Variants in UTRN observed in about 807,000 individuals in gnomAD.
UTRN encodes the protein dystrophin-related protein 1.
A neutral mutation model predicts 463.9 loss-of-function variants in UTRN; 283 were observed. The ratio of observed to expected loss-of-function variants is 0.61; its 90% confidence interval spans 0.55 to 0.67. The LOEUF (loss-of-function observed/expected upper bound fraction) is 0.67. Among genes scored for constraint, UTRN ranks in the 30% least tolerant of loss-of-function variants. UTRN has a pLI of 0.00. For synonymous variants in UTRN, 1,442 were observed against 1,431.5 expected (o/e 1.01, Z -0.17); for missense variants, 3,922 against 4,084.3 (o/e 0.96, Z 1.08).
intron 2 of UTRN, among the ~76,000 whole-genome samples, chr6:144,387,468 G>A (rs1387346604): frequency 6.6e-6 from 1 of 152,072 alleles, no homozygotes; most frequent in Non-Finnish European, 1.5e-5. Context: ...TAATGATTTT[G>A]CCTTAAAATA....
At position 144,285,391 on chromosome 6, in the gene UTRN, C is replaced by G. The variant is rs896864950; in HGVS notation, c.-523C>G. ...GCAGCCGGCCGCGGGCTTTCTCCCG[C>G]CGAGGGGCGAGGAGGAGCCTCTGGC... On this transcript the variant is annotated 5_prime_UTR_variant, in exon 1 of 75. Transcript: ENST00000367545. 6.6e-6 allele frequency among the ~76,000 whole-genome samples: 1 copy of G among 152,136 alleles called. No individual in the cohort carries two copies. Among genetic ancestry groups the G allele is most frequent in the Admixed American group, 6.5e-5 (1 of 15,290 alleles).
intron 2 of UTRN, among the ~76,000 whole-genome samples, chr6:144,331,982 C>G (rs1416617898): frequency 1.3e-5 from 2 of 152,198 alleles, no homozygotes; most frequent in African/African-American, 2.4e-5. Flanking sequence ...ATTGCCCCAT[C>G]CAGCCACACT....
intron 51 of UTRN, among the ~76,000 whole-genome samples, chr6:144,620,803 G>A (rs1775284927): frequency 6.6e-6 from 1 of 152,088 alleles, no homozygotes; most frequent in Non-Finnish European, 1.5e-5. Context: ...AAGTGAAATA[G>A]CAGCTTTGAG....
At chr6:144,289,251 A>C (rs1212059896) in intron 1 of UTRN, among the ~76,000 whole-genome samples, 2 of 152,278 alleles carry the variant, frequency 1.3e-5, no homozygotes, top group Admixed American at 1.3e-4. Context: ...CCTAAGCCAA[A>C]ATTGGGGAGT....
intron 2 of UTRN, among the ~76,000 whole-genome samples, chr6:144,293,440 A>G (rs1804422553): frequency 6.6e-6 from 1 of 152,184 alleles, no homozygotes; most frequent in Admixed American, 6.5e-5. Context: ...ATCTTTTAAA[A>G]AGGCTGATGA....
At chr6:144,731,758 A>G (rs1239872482) in intron 54 of UTRN, among the ~76,000 whole-genome samples, 1 of 152,130 alleles carries the variant, frequency 6.6e-6, no homozygotes, top group Non-Finnish European at 1.5e-5. Flanking sequence ...GCTGGTGGTA[A>G]CACTGTCTTT....
intron 51 of UTRN, among the ~76,000 whole-genome samples, chr6:144,631,185 A>G (rs1420611005): frequency 6.6e-6 from 1 of 151,814 alleles, no homozygotes; most frequent in Non-Finnish European, 1.5e-5. Context: ...AGGTAAAACC[A>G]AAAGAGAGAG....
At chr6:144,472,454 A>G (rs891763495) in intron 23 of UTRN, among the ~76,000 whole-genome samples, 2 of 152,102 alleles carry the variant, frequency 1.3e-5, no homozygotes, top group African/African-American at 2.4e-5. Context: ...TCACCAAAGT[A>G]TTTGAGATAA....
In UTRN at chr6:144,481,967, G is replaced by C. The variant is rs970442431; in HGVS notation, c.3508-242G>C. Among the ~76,000 whole-genome samples the C allele has an allele frequency of 2.6e-5, 4 of 152,206 alleles. No individual in the cohort carries two copies. The East Asian group carries it at 7.7e-4, about 29-fold the overall frequency. Reference sequence around the variant, plus strand: ...ACAGCTTCTCGGGAGGCTGAGGCAGGAGAATTTCTTGAACTGGGAGGCAGA... The same window carrying C: ...ACAGCTTCTCGGGAGGCTGAGGCAGCAGAATTTCTTGAACTGGGAGGCAGA... On this transcript the variant is annotated intron_variant, in intron 26 of 74. Coordinates refer to ENST00000367545, the MANE Select transcript of UTRN (RefSeq NM_007124.3).
intron 17 of UTRN, among the ~76,000 whole-genome samples, chr6:144,450,358 C>T (rs72999705): frequency 0.031 from 4,719 of 152,250 alleles, 105 homozygotes; most frequent in Non-Finnish European, 0.044. Flanking sequence ...GAGTTCAGTA[C>T]TCATTATTCC....
At chr6:144,503,488 A>C (rs1250225956) in intron 34 of UTRN, among the ~76,000 whole-genome samples, 1 of 152,140 alleles carries the variant, frequency 6.6e-6, no homozygotes, top group Non-Finnish European at 1.5e-5. Context: ...TTTTCCCAAC[A>C]CCATTTATTA....
At chr6:144,665,313 GA>G (rs1780273756) in intron 51 of UTRN, among the ~76,000 whole-genome samples, 1 of 152,030 alleles carries the variant, frequency 6.6e-6, no homozygotes, top group African/African-American at 2.4e-5. Flanking sequence ...ATAATGTGAG[GA>G]AATATTTTTG....
chr6:144,610,785 G>C (rs1300318587), intron 51 of UTRN, among the ~76,000 whole-genome samples: 2 of 152,112 alleles, frequency 1.3e-5, no homozygotes, highest in African/African-American at 4.8e-5. Flanking sequence ...TGAAGCAGGA[G>C]AATCTCTTGA....
At chr6:144,726,729 C>T (rs1787917672) in intron 53 of UTRN, among the ~76,000 whole-genome samples, 1 of 152,234 alleles carries the variant, frequency 6.6e-6, no homozygotes, top group Middle Eastern at 3.4e-3. Flanking sequence ...GTGGGCCTCA[C>T]CTTCTAGACA....
chr6:144,368,239 T>G (rs1390583799), intron 2 of UTRN, among the ~76,000 whole-genome samples: 1 of 152,206 alleles, frequency 6.6e-6, no homozygotes, highest in African/African-American at 2.4e-5. Flanking sequence ...GGCCATTGAT[T>G]TCTTCAGTTT....
chr6:144,810,778 A>G (rs1007622777), intron 65 of UTRN, among the ~76,000 whole-genome samples: 19 of 152,184 alleles, frequency 1.2e-4, no homozygotes, highest in Admixed American at 2.0e-4. Context: ...TCAATGTCAT[A>G]GTTTAGTTGC....
chr6:144,834,195 T>G (rs1234685916), intron 69 of UTRN, among the ~76,000 whole-genome samples: 1 of 152,200 alleles, frequency 6.6e-6, no homozygotes, highest in Non-Finnish European at 1.5e-5. Context: ...CTTTTAAAAT[T>G]TATTTGATAA....
chr6:144,834,019 C>T (rs907898559), intron 69 of UTRN, among the ~76,000 whole-genome samples: 1 of 152,186 alleles, frequency 6.6e-6, no homozygotes, highest in Non-Finnish European at 1.5e-5. Context: ...AACCCAGGAA[C>T]AAGCATGGGG....
chr6:144,348,674 C>T (rs981987373), intron 2 of UTRN, among the ~76,000 whole-genome samples: 1 of 152,274 alleles, frequency 6.6e-6, no homozygotes, highest in South Asian at 2.1e-4. Flanking sequence ...GTGGCTCATG[C>T]CTGTAATCCC....
Sources: gnomAD v4.1 joint callset for allele counts (sites outside exome capture counted in the v4.1 genomes callset) on GRCh38, gnomAD v4.1.1 for gene constraint, MANE v1.5 for transcripts, NCBI Gene and HGNC (gene_info 2026-07-23, HGNC 2026-07-21) for gene names.